PECAM1: variants seen among roughly 807,000 people sequenced by gnomAD.
PECAM1 encodes platelet and endothelial cell adhesion molecule 1, also known as platelet endothelial cell adhesion molecule.
A neutral mutation model predicts 13.8 loss-of-function variants in PECAM1; 8 were observed. The observed-to-expected ratio is 0.58, with a 90% confidence interval of 0.34 to 1.05. The LOEUF (loss-of-function observed/expected upper bound fraction) is 1.05. Among genes scored for constraint, PECAM1 ranks in the 50% least tolerant of loss-of-function variants. The pLI is 0.03. For missense variants in PECAM1, 304 were observed against 141.2 expected (o/e 2.15, Z -5.84); for synonymous variants, 136 against 52.6 (o/e 2.58, Z -6.86).
chr17:64,334,948 C>A (rs1281203425), intron 14 of PECAM1, among the ~76,000 whole-genome samples: 1 of 152,138 alleles, frequency 6.6e-6, no homozygotes, highest in Non-Finnish European at 1.5e-5. Flanking sequence ...CTCCTTCCAA[C>A]AAGAAGCAGA....
chr17:64,381,107 T>A (rs994437519), intron 2 of PECAM1, among the ~76,000 whole-genome samples: 3 of 152,200 alleles, frequency 2.0e-5, no homozygotes, highest in African/African-American at 7.2e-5. Flanking sequence ...ATGCAAGCTA[T>A]TAAATGGTCT....
At chr17:64,387,818 G>T (rs1203536648) in intron 2 of PECAM1, among the ~76,000 whole-genome samples, 1 of 152,198 alleles carries the variant, frequency 6.6e-6, no homozygotes, top group African/African-American at 2.4e-5. Flanking sequence ...GGCTGGAGGG[G>T]AACAAAGAGG....
At chr17:64,366,358 A>G (rs1358532927) in intron 5 of PECAM1, among the ~76,000 whole-genome samples, 3 of 151,432 alleles carry the variant, frequency 2.0e-5, no homozygotes, top group African/African-American at 7.3e-5. Context: ...AAACAGGAAC[A>G]CTTTTACACT....
At position 64,332,879 on chromosome 17, in the gene PECAM1, G is replaced by T. The variant is rs144083578; in HGVS notation, c.2165-3157C>A. Among the ~76,000 whole-genome samples, 569 of 152,332 alleles carry T rather than the reference G, an allele frequency of 3.7e-3. 2 individuals are homozygous for T. Among genetic ancestry groups the T allele is most frequent in the African/African-American group, 0.013 (551 of 41,562 alleles). On this transcript the variant is annotated intron_variant, in intron 14 of 15. Transcript: ENST00000563924. ...ATAGAAAGTAGAAGGTGGACTGGGC[G>T]CAGTGGCTCACGCCTGTCATCCCAG...
At chr17:64,380,460 T>G (rs1340208595) in intron 2 of PECAM1, among the ~76,000 whole-genome samples, 1 of 152,128 alleles carries the variant, frequency 6.6e-6, no homozygotes, top group African/African-American at 2.4e-5. Context: ...CCCCAGAAAT[T>G]TCTACCATGC....
intron 14 of PECAM1, among the ~76,000 whole-genome samples, chr17:64,330,932 T>C (rs1364528829): frequency 6.6e-6 from 1 of 152,210 alleles, no homozygotes; most frequent in Non-Finnish European, 1.5e-5. Context: ...AATTGTTAAA[T>C]GGATGTACAA....
intron 4 of PECAM1, among the ~76,000 whole-genome samples, chr17:64,373,027 G>A (rs1243830910): frequency 1.3e-5 from 2 of 151,384 alleles, no homozygotes; most frequent in African/African-American, 4.8e-5. Context: ...CAGGAGAATC[G>A]CTTGAACCCG....
rs545133146 is a variant in PECAM1 at position 64,333,358 on chromosome 17, G to C, written c.2165-3636C>G. ...GCAGGCAAAAGCTGGTACTGGAGAG[G>C]AAAACCAGCTCTCCTGTTGGAGGAG... On this transcript the variant is annotated intron_variant, in intron 14 of 15. Transcript: ENST00000563924. Among the ~76,000 whole-genome samples, 4 of 152,238 alleles carry C rather than the reference G, an allele frequency of 2.6e-5. No individual in the cohort carries two copies. In the East Asian group the frequency reaches 7.7e-4, roughly 29 times the overall value.
intron 13 of PECAM1, among the ~76,000 whole-genome samples, chr17:64,342,875 A>G (rs1160267598): frequency 6.6e-6 from 1 of 152,032 alleles, no homozygotes; most frequent in Non-Finnish European, 1.5e-5. Context: ...ACCCTCATAC[A>G]GTGTGTAGGA....
At chr17:64,353,664 G>A in intron 9 of PECAM1, 146 bp from the exon 10 acceptor site, 1 of 403,236 alleles carries the variant, frequency 2.5e-6, no homozygotes, top group Non-Finnish European at 4.5e-6. Flanking sequence ...CTAGTAAGCT[G>A]TGAAGGAACA....
intron 13 of PECAM1, among the ~76,000 whole-genome samples, chr17:64,343,825 C>T (rs1405540776): frequency 6.6e-6 from 1 of 152,176 alleles, no homozygotes; most frequent in East Asian, 1.9e-4. Flanking sequence ...GATGTGGGGG[C>T]CTCAAGGAAA....
At position 64,360,344 on chromosome 17, in the gene PECAM1, G is replaced by A. The variant is rs1160767774; in HGVS notation, c.1288C>T (p.Arg430Cys). 10 of 475,184 alleles carry A rather than the reference G, an allele frequency of 2.1e-5. No homozygotes were observed. Among genetic ancestry groups the A allele is most frequent in the South Asian group, 2.0e-4 (3 of 14,870 alleles). 29.4% of individuals were successfully genotyped at this position (475,184 alleles called of 1,614,324 possible). Residue 430 changes from arginine to cysteine, a missense_variant, in exon 7 of 16, where the codon CGT becomes TGT. Transcript: ENST00000563924. ...AAAGTTCCACTGATCGATTCGCAAC[G>A]GACTTCGATGGTCTGTCCTTTTATG... is the stretch of plus-strand genomic sequence containing the variant. The part of the protein sequence containing the change: ...EVIKGQTIEV[R>C]CESISGTLPI...
chr17:64,389,102 C>CTGTTGGCAAGGAAGCACCTACAGT (rs1287365457), intron 2 of PECAM1, among the ~76,000 whole-genome samples: 1 of 152,216 alleles, frequency 6.6e-6, no homozygotes, highest in Non-Finnish European at 1.5e-5. Flanking sequence ...GCAGAGAAGC[C>CTGTTGGCAAGGAAGCACCTACAGT]TGGCAGAGGG....
chr17:64,373,814 C>T (rs2036295971), intron 4 of PECAM1, among the ~76,000 whole-genome samples: 1 of 152,030 alleles, frequency 6.6e-6, no homozygotes, highest in South Asian at 2.1e-4. Flanking sequence ...ATGTAAGTTT[C>T]CTATTTTGGA....
chr17:64,355,321 C>G (rs887717910), intron 8 of PECAM1, among the ~76,000 whole-genome samples: 1 of 152,150 alleles, frequency 6.6e-6, no homozygotes, highest in African/African-American at 2.4e-5. Flanking sequence ...TTTTTTGAAA[C>G]AGGGTCTCAC....
At chr17:64,326,046 G>A (rs782487272) in intron 15 of PECAM1, among the ~76,000 whole-genome samples, 3 of 152,126 alleles carry the variant, frequency 2.0e-5, no homozygotes, top group Non-Finnish European at 4.4e-5. Flanking sequence ...GCTGGGCAGT[G>A]GGGGATTCAC....
At position 64,323,568 on chromosome 17, in the gene PECAM1, C is replaced by T; in HGVS notation, c.*248G>A. 7.1e-7 allele frequency: 1 copy of T among 1,415,360 alleles called. No individual in the cohort carries two copies. Among genetic ancestry groups the T allele is most frequent in the Non-Finnish European group, 9.2e-7 (1 of 1,087,996 alleles). The allele number at this position is 1,415,360 out of a possible 1,614,324, so 87.7% of individuals were successfully genotyped here. Reference sequence around the variant, plus strand: ...TCTCCTCTTGTGCTCTTCCAATTTCCAAGGATGTTCCAACTTGGTGGAAGG... The same window carrying T: ...TCTCCTCTTGTGCTCTTCCAATTTCTAAGGATGTTCCAACTTGGTGGAAGG... On this transcript the variant is annotated 3_prime_UTR_variant, in exon 16 of 16. Transcript: ENST00000563924.
intron 14 of PECAM1, among the ~76,000 whole-genome samples, chr17:64,338,239 A>ATTT (rs149206249): frequency 5.5e-5 from 6 of 108,810 alleles, no homozygotes; most frequent in African/African-American, 1.7e-4. Flanking sequence ...ATTTTTTAAA[A>ATTT]TTTTTTTTTT....
At chr17:64,357,097 C>G (rs1339905403) in intron 7 of PECAM1, among the ~76,000 whole-genome samples, 1 of 152,162 alleles carries the variant, frequency 6.6e-6, no homozygotes, top group African/African-American at 2.4e-5. Context: ...TACTGTGGAA[C>G]TCAGCTTTTT....
Sources: gnomAD v4.1 joint callset for allele counts (sites outside exome capture counted in the v4.1 genomes callset) on GRCh38, gnomAD v4.1.1 for gene constraint, MANE v1.5 for transcripts, NCBI Gene and HGNC (gene_info 2026-07-23, HGNC 2026-07-21) for gene names.